The following PREX1 variants were observed in gnomAD, a reference collection of about 807,000 sequenced individuals.
PREX1 encodes phosphatidylinositol 3,4,5-trisphosphate-dependent Rac exchanger 1 protein.
Under a neutral mutation model 198.3 loss-of-function variants are expected in PREX1, and 41 were observed. The ratio of observed to expected loss-of-function variants is 0.21; its 90% CI spans 0.16 to 0.27. The LOEUF (loss-of-function observed/expected upper bound fraction) is 0.27, where lower values mean the gene tolerates loss of function less well. PREX1 is among the 10% of genes least tolerant of loss of function. The pLI, the probability that PREX1 is intolerant of heterozygous loss-of-function variation, is 1.00. For synonymous variants in PREX1, 843 were observed against 887.2 expected (o/e 0.95, Z 0.89); for missense variants, 1,620 against 2,200.7 (o/e 0.74, Z 5.28).
intron 4 of PREX1, among the ~76,000 whole-genome samples, chr20:48,732,675 C>A (rs2090039387): frequency 6.6e-6 from 1 of 152,184 alleles, no homozygotes; most frequent in African/African-American, 2.4e-5. Context: ...CTAATGTATT[C>A]TTCTTCCACA....
intron 5 of PREX1, among the ~76,000 whole-genome samples, chr20:48,710,870 C>T (rs540843113): frequency 1.3e-5 from 2 of 152,210 alleles, no homozygotes; most frequent in African/African-American, 4.8e-5. Context: ...GCAGGGAGGC[C>T]AGCGGAGCTG....
chr20:48,679,369 G>A lies in PREX1; in HGVS notation c.1580C>T (p.Pro527Leu), dbSNP rs368873353. 1.5e-5 allele frequency: 25 copies of A among 1,612,940 alleles called. No individual in the cohort carries two copies. The highest frequency in any genetic ancestry group is 2.2e-5 in the South Asian group (2 of 91,022). The change falls in exon 13 of 40, where the codon CCG (proline) becomes CTG (leucine). Residue 527 changes from proline (P) to leucine (L), a missense_variant. By Grantham distance (98) the Pro-to-Leu change is moderately conservative. Transcript: ENST00000371941. Reference protein sequence around the residue: ...LYCRLHSLYTPVIKDRDYHLK... With the variant: ...LYCRLHSLYTLVIKDRDYHLK... ...GGAAAGAGTAACTTACTTGATCACC[G>A]GGGTGTAGAGGCTGTGAAGACGGCA...
intron 32 of PREX1, among the ~76,000 whole-genome samples, chr20:48,635,862 G>A (rs2089358542): frequency 6.6e-6 from 1 of 152,238 alleles, no homozygotes; most frequent in Admixed American, 6.5e-5. Context: ...AGAGGAAGGG[G>A]AGGGCTGAGT....
intron 5 of PREX1, among the ~76,000 whole-genome samples, chr20:48,712,841 A>T (rs1447857014): frequency 1.3e-5 from 2 of 152,222 alleles, no homozygotes; most frequent in Non-Finnish European, 2.9e-5. Flanking sequence ...AGATCTCAAG[A>T]AGTAACGGCC....
chr20:48,781,977 T>A (rs1278458148), intron 1 of PREX1, among the ~76,000 whole-genome samples: 1 of 152,208 alleles, frequency 6.6e-6, no homozygotes, highest in East Asian at 1.9e-4. Context: ...ACTTACCCTG[T>A]TACAGATGGT....
At chr20:48,632,168 T>TGC in intron 35 of PREX1, 109 bp downstream of exon 35, 1 of 989,696 alleles carries the variant, frequency 1.0e-6, no homozygotes, top group South Asian at 1.4e-5. Flanking sequence ...AGAAAGGGTG[T>TGC]GCGGCCCACT....
intron 13 of PREX1, 128 bp from the exon 14 acceptor site, chr20:48,676,396 G>A: frequency 1.2e-6 from 1 of 832,218 alleles, no homozygotes; most frequent in South Asian, 1.4e-5. Context: ...ATTGGGCAGG[G>A]GTCCGAGTCT....
chr20:48,881,142 C>A, the PREX1 span, among the ~76,000 whole-genome samples: 4 of 152,022 alleles, frequency 2.6e-5, no homozygotes, highest in African/African-American at 9.7e-5. Flanking sequence ...GGACTTGCTT[C>A]AAATATTCAG....
rs1426865968 is a variant in PREX1, at chr20:48,638,797, G to A, written c.3904+969C>T. ...GACCACACGGGAAGGAGGCAGCACT[G>A]TGGGCCCATTTGACACAGGAAGAAG... On this transcript the variant is annotated intron_variant, in intron 30 of 39. Coordinates refer to ENST00000371941, the MANE Select transcript of PREX1 (RefSeq NM_020820.4). Among the ~76,000 whole-genome samples the A allele has an allele frequency of 2.0e-5, 3 of 152,202 alleles. No homozygotes were observed. In the East Asian group the frequency reaches 5.8e-4, roughly 29 times the overall value.
At chr20:48,647,288 C>A (rs1364778050) in intron 25 of PREX1, among the ~76,000 whole-genome samples, 1 of 152,020 alleles carries the variant, frequency 6.6e-6, no homozygotes, top group Non-Finnish European at 1.5e-5. Context: ...TTTGGGAGGC[C>A]AAGGCGGGTG....
the PREX1 span, among the ~76,000 whole-genome samples, chr20:48,888,038 T>C: frequency 6.6e-6 from 1 of 152,110 alleles, no homozygotes; most frequent in Non-Finnish European, 1.5e-5. Flanking sequence ...TTGTATTAGG[T>C]TTTCACACTG....
intron 2 of PREX1, among the ~76,000 whole-genome samples, chr20:48,747,314 C>A (rs1228291896): frequency 6.6e-6 from 1 of 152,180 alleles, no homozygotes; most frequent in African/African-American, 2.4e-5. Flanking sequence ...ACACAGAAGG[C>A]CTATTGATCT....
intron 9 of PREX1, among the ~76,000 whole-genome samples, chr20:48,690,376 A>C (rs1697581191): frequency 6.6e-6 from 1 of 152,150 alleles, no homozygotes; most frequent in Admixed American, 6.5e-5. Flanking sequence ...TGAGGTCTGG[A>C]AAGCTGGAGT....
chr20:48,675,602 C>T (rs2089702818), intron 14 of PREX1, among the ~76,000 whole-genome samples: 1 of 152,098 alleles, frequency 6.6e-6, no homozygotes, highest in Non-Finnish European at 1.5e-5. Context: ...GAATGGTGCT[C>T]ATCGGGACTG....
intron 3 of PREX1, among the ~76,000 whole-genome samples, chr20:48,741,185 A>G (rs2090079958): frequency 6.6e-6 from 1 of 152,320 alleles, no homozygotes; most frequent in East Asian, 1.9e-4. Context: ...CAAAAATTAC[A>G]AACTTAGCGT....
chr20:48,825,582 G>A (rs977835410), intron 1 of PREX1, among the ~76,000 whole-genome samples: 1 of 151,992 alleles, frequency 6.6e-6, no homozygotes, highest in Non-Finnish European at 1.5e-5. Context: ...ACACGTGGAC[G>A]ATTTAAAACC....
intron 16 of PREX1, 50 bp from the exon 17 acceptor site, chr20:48,658,278 C>A: frequency 1.3e-6 from 2 of 1,582,600 alleles, no homozygotes; most frequent in Non-Finnish European, 1.7e-6. Context: ...GGTGGGCCTA[C>A]GGCCAGCCCC....
At chr20:48,733,690 C>CTGTTGTTGTTGCTGTTGTTGT in intron 4 of PREX1, among the ~76,000 whole-genome samples, 1 of 71,102 alleles carries the variant, frequency 1.4e-5, no homozygotes, top group South Asian at 5.3e-4. Context: ...GTAAATCCCT[C>CTGTTGTTGTTGCTGTTGTTGT]TGTTGTTGTT....
the PREX1 span, among the ~76,000 whole-genome samples, chr20:48,851,727 C>T: frequency 1.3e-5 from 2 of 152,130 alleles, no homozygotes; most frequent in Non-Finnish European, 2.9e-5. Flanking sequence ...GGACCTGAAC[C>T]TTGCCCTGTA....
Sources: gnomAD v4.1 joint callset for allele counts (sites outside exome capture counted in the v4.1 genomes callset) on GRCh38, gnomAD v4.1.1 for gene constraint, MANE v1.5 for transcripts, NCBI Gene and HGNC (gene_info 2026-07-23, HGNC 2026-07-21) for gene names.